The following ZNF383 variants were observed in gnomAD, a reference collection of about 807,000 sequenced individuals.
The protein encoded by ZNF383 is zinc finger protein 383.
In ZNF383, 32 loss-of-function variants were observed where a neutral mutation model predicts 44.2. The observed-to-expected ratio is 0.72, with a 90% CI of 0.55 to 0.97. ZNF383 has a LOEUF of 0.97. ZNF383 is among the 50% of genes least tolerant of loss of function. The probability of loss-of-function intolerance (pLI) is 0.00; values close to 1 mark genes in which losing one functional copy is unlikely to be tolerated. For synonymous variants in ZNF383, 155 were observed against 186.2 expected, an observed-to-expected ratio of 0.83 and a Z score of 1.36; for missense variants, 487 against 562.5, an observed-to-expected ratio of 0.87 and a Z score of 1.36.
At chr19:37,230,245 T>C (rs1973417369) in intron 2 of ZNF383, among the ~76,000 whole-genome samples, 164 bp from the exon 3 acceptor site, 1 of 152,048 alleles carries the variant, frequency 6.6e-6, no homozygotes, top group Non-Finnish European at 1.5e-5. Flanking sequence ...AAGCCTGAGG[T>C]TTGTAGGATT....
intron 5 of ZNF383, among the ~76,000 whole-genome samples, chr19:37,242,102 GTATA>G (rs1599807280): frequency 0.015 from 103 of 6,674 alleles, no homozygotes; most frequent in Admixed American, 0.022. Flanking sequence ...ACTATATATA[GTATA>G]GTATCTATAT....
chr19:37,219,093 T>C (rs1437147088), intron 1 of ZNF383, among the ~76,000 whole-genome samples: 4 of 152,194 alleles, frequency 2.6e-5, no homozygotes, highest in African/African-American at 9.6e-5. Context: ...GAGGTCTATG[T>C]GGGTCCCCAT....
At chr19:37,223,428 T>A (rs1306079909) in intron 1 of ZNF383, among the ~76,000 whole-genome samples, 1 of 152,092 alleles carries the variant, frequency 6.6e-6, no homozygotes, top group African/African-American at 2.4e-5. Context: ...CCAGGTGTGG[T>A]GACTCATGCC....
At chr19:37,226,163 CT>C (rs1189856482) in intron 2 of ZNF383, among the ~76,000 whole-genome samples, 1 of 152,006 alleles carries the variant, frequency 6.6e-6, no homozygotes, top group Non-Finnish European at 1.5e-5. Context: ...ACAGGACTTA[CT>C]TTTTTGTAGT....
At chr19:37,230,709 C>A (rs1430192795) in intron 3 of ZNF383, among the ~76,000 whole-genome samples, 1 of 152,002 alleles carries the variant, frequency 6.6e-6, no homozygotes, top group Non-Finnish European at 1.5e-5. Flanking sequence ...GAACTCTTTC[C>A]CAAGGACTAT....
rs911460671 is a variant in ZNF383 at position 37,248,250 on chromosome 19, A to G, written c.*4586A>G. On this transcript the variant is annotated 3_prime_UTR_variant, in exon 6 of 6. Transcript: ENST00000684119. Reference sequence around the variant, plus strand: ...ATAGGTGAAATCTATGAAATGTCTTAGGAAACTCTTCTAGGACATAGACTG... The same window carrying G: ...ATAGGTGAAATCTATGAAATGTCTTGGGAAACTCTTCTAGGACATAGACTG... 6.6e-6 allele frequency: 1 copy of G among 152,248 alleles called. No individual in the cohort carries two copies. Among genetic ancestry groups the G allele is most frequent in the Non-Finnish European group, 1.5e-5 (1 of 68,042 alleles). The allele number at this position is 152,248 out of a possible 1,614,324, so 9.4% of individuals were successfully genotyped here.
Position 37,242,851 on chromosome 19 carries a change from A to C in ZNF383, c.615A>C (p.Lys205Asn). 1 of 1,613,952 alleles carries C rather than the reference A, an allele frequency of 6.2e-7. No individual in the cohort carries two copies. The highest frequency in any genetic ancestry group is 8.5e-7 in the Non-Finnish European group (1 of 1,179,884). The change falls in exon 6 of 6, where the codon AAA becomes AAC. Residue 205 changes from lysine (K) to asparagine (N), a missense_variant. Transcript: ENST00000684119. ...EKSYECKECG[K>N]FFSCGSHVTR... Reference sequence around the variant, plus strand: ...CTTATGAATGTAAAGAGTGTGGGAAATTCTTTAGTTGTGGTTCACATGTTA... The same window carrying C: ...CTTATGAATGTAAAGAGTGTGGGAACTTCTTTAGTTGTGGTTCACATGTTA...
At chr19:37,228,698 C>G (rs1467694715) in intron 2 of ZNF383, among the ~76,000 whole-genome samples, 1 of 151,986 alleles carries the variant, frequency 6.6e-6, no homozygotes, top group East Asian at 1.9e-4. Flanking sequence ...GTCCTTCTGG[C>G]TTTGGTACAG....
At chr19:37,226,774 C>T (rs1973186495) in intron 2 of ZNF383, 1 of 152,112 alleles carries the variant, frequency 6.6e-6, no homozygotes, top group Non-Finnish European at 1.5e-5. Flanking sequence ...TCTGCAGTTT[C>T]ACTATAAGAT....
chr19:37,230,001 A>ACC (rs1568523978), intron 2 of ZNF383, among the ~76,000 whole-genome samples: 1 of 151,710 alleles, frequency 6.6e-6, no homozygotes, highest in Non-Finnish European at 1.5e-5. Context: ...GCCAAAGGGC[A>ACC]CCATTTGTGT....
At chr19:37,223,303 G>T (rs1363125275) in intron 1 of ZNF383, among the ~76,000 whole-genome samples, 1 of 152,080 alleles carries the variant, frequency 6.6e-6, no homozygotes, top group Non-Finnish European at 1.5e-5. Context: ...TCATATGCTG[G>T]GCCACAAAGG....
At chr19:37,234,034 T>C (rs1973643665) in intron 3 of ZNF383, among the ~76,000 whole-genome samples, 1 of 151,868 alleles carries the variant, frequency 6.6e-6, no homozygotes, top group Non-Finnish European at 1.5e-5. Context: ...CCAGCTAATT[T>C]TGTATTTTTA....
At chr19:37,239,926 G>A (rs892232880) in intron 5 of ZNF383, among the ~76,000 whole-genome samples, 3 of 152,112 alleles carry the variant, frequency 2.0e-5, no homozygotes, top group East Asian at 3.9e-4. Context: ...TTGGGAGGCC[G>A]AGGCGGGAGG....
intron 3 of ZNF383, among the ~76,000 whole-genome samples, chr19:37,233,742 A>G (rs1973624375): frequency 6.6e-6 from 1 of 151,892 alleles, no homozygotes; most frequent in Non-Finnish European, 1.5e-5. Flanking sequence ...ATTTGTTTTT[A>G]ATCCTATGGG....
At position 37,238,835 on chromosome 19, in the gene ZNF383, A is replaced by C. The variant is rs187310409; in HGVS notation, c.232+2761A>C. On this transcript the variant is annotated intron_variant, in intron 5 of 5. Transcript: ENST00000684119. ...GATATTATCATGTTTGCAAAGGATC[A>C]TTCTTGCTCTAGGGGTTCCTAACTT... Among the ~76,000 whole-genome samples the C allele has an allele frequency of 9.6e-4, 147 of 152,356 alleles. 2 individuals are homozygous for C. The highest frequency in any genetic ancestry group is 3.4e-3 in the African/African-American group (142 of 41,584).
At chr19:37,225,069 C>G (rs1409694635) in intron 2 of ZNF383, 130 bp downstream of exon 2, 1 of 152,244 alleles carries the variant, frequency 6.6e-6, no homozygotes, top group Non-Finnish European at 1.5e-5. Context: ...GGTGGGATTA[C>G]AGGCATGAGC....
chr19:37,236,146 A>T, intron 5 of ZNF383, 72 bp downstream of exon 5: 1 of 1,166,164 alleles, frequency 8.6e-7, no homozygotes, highest in Non-Finnish European at 1.2e-6. Flanking sequence ...AGGAAACAGC[A>T]CCTTTGAGAT....
chr19:37,235,693 A>G lies in ZNF383; in HGVS notation c.136+18A>G, dbSNP rs1973756553. 1 of 1,573,802 alleles carries G rather than the reference A, an allele frequency of 6.4e-7. No homozygotes were observed. Among genetic ancestry groups the G allele is most frequent in the Non-Finnish European group, 8.6e-7 (1 of 1,161,006 alleles). ...TTCAATGGGTAAGGGCATCTGTACC[A>G]GTGATTCCCAGTTCTCCTCTGGAAT... On this transcript the variant is annotated intron_variant, in intron 4 of 5. Transcript: ENST00000684119.
intron 2 of ZNF383, among the ~76,000 whole-genome samples, chr19:37,229,603 C>CGT (rs1555782474): frequency 2.2e-5 from 3 of 138,830 alleles, no homozygotes; most frequent in Non-Finnish European, 4.6e-5. Flanking sequence ...GGATTACAAG[C>CGT]ATATATATAT....
Sources: allele counts gnomAD v4.1 joint callset (sites outside exome capture counted in the v4.1 genomes callset), GRCh38; gene constraint gnomAD v4.1.1; transcripts MANE v1.5; gene names NCBI Gene and HGNC (gene_info 2026-07-23, HGNC 2026-07-21).